Variants in RPTOR observed in about 807,000 individuals in gnomAD.
The protein encoded by RPTOR is regulatory associated protein of MTOR complex 1, also known as regulatory-associated protein of mTOR.
A neutral mutation model predicts 169.9 loss-of-function variants in RPTOR; 21 were observed. The observed-to-expected ratio is 0.12, with a 90% confidence interval of 0.09 to 0.18. The LOEUF (loss-of-function observed/expected upper bound fraction) is 0.18, where lower values mean the gene tolerates loss of function less well. Among genes scored for constraint, RPTOR ranks in the 10% least tolerant of loss-of-function variants. RPTOR has a pLI of 1.00. For missense variants in RPTOR, 1,133 were observed against 1,855.9 expected (o/e 0.61, Z 7.16); for synonymous variants, 732 against 753.2 (o/e 0.97, Z 0.46).
At chr17:80,594,294 A>G (rs1335957968) in intron 1 of RPTOR, among the ~76,000 whole-genome samples, 1 of 152,110 alleles carries the variant, frequency 6.6e-6, no homozygotes, top group Non-Finnish European at 1.5e-5. Flanking sequence ...GGGTTTCACC[A>G]TGTTGGCCAG....
chr17:80,858,061 C>T (rs1162544367), intron 13 of RPTOR, 161 bp downstream of exon 13: 1 of 637,724 alleles, frequency 1.6e-6, no homozygotes, highest in Non-Finnish European at 2.8e-6. Context: ...ACGCGCCCGC[C>T]TCGGCAGCCA....
intron 7 of RPTOR, among the ~76,000 whole-genome samples, chr17:80,807,391 C>T (rs7214559): frequency 0.011 from 1,691 of 152,248 alleles, 27 homozygotes; most frequent in African/African-American, 0.033. Context: ...CTCTTGTGGC[C>T]TAGGCTGGAG....
intron 3 of RPTOR, among the ~76,000 whole-genome samples, chr17:80,696,439 C>T (rs188524185): frequency 5.3e-5 from 8 of 152,302 alleles, no homozygotes; most frequent in South Asian, 2.1e-4. Flanking sequence ...TAGTGGAGCT[C>T]GGCTTTCGTT....
intron 27 of RPTOR, 25 bp from the exon 28 acceptor site, chr17:80,949,418 C>T (rs1044039217): frequency 1.3e-6 from 2 of 1,593,690 alleles, no homozygotes; most frequent in African/African-American, 1.3e-5. Context: ...GCCTGGTTCA[C>T]ATCCTTTCCT....
intron 1 of RPTOR, among the ~76,000 whole-genome samples, chr17:80,568,633 C>T (rs533296993): frequency 6.6e-6 from 1 of 152,262 alleles, no homozygotes; most frequent in East Asian, 1.9e-4. Context: ...GGAAAATGTA[C>T]TGCCATTATT....
chr17:80,676,834 C>G lies in RPTOR; in HGVS notation c.349-31007C>G, dbSNP rs1053223773. On this transcript the variant is annotated intron_variant, in intron 3 of 33. Coordinates refer to ENST00000306801, the MANE Select transcript of RPTOR (RefSeq NM_020761.3). ...AGAGTCAGGGAGGTGCAGGGCTCAT[C>G]GCTAGCCAGGGCACAGCGGGACCAG... Among the ~76,000 whole-genome samples the G allele has an allele frequency of 2.0e-5, 3 of 152,188 alleles. No individual in the cohort carries two copies. In the East Asian group the frequency reaches 5.8e-4, roughly 29 times the overall value.
chr17:80,744,410 C>T (rs920043894), intron 5 of RPTOR, among the ~76,000 whole-genome samples: 2 of 104,850 alleles, frequency 1.9e-5, no homozygotes, highest in South Asian at 2.8e-4. Flanking sequence ...TGGCTACTAG[C>T]ACAGCCCTGG....
intron 10 of RPTOR, among the ~76,000 whole-genome samples, chr17:80,842,858 T>C (rs2067686233): frequency 6.6e-6 from 1 of 152,202 alleles, no homozygotes; most frequent in South Asian, 2.1e-4. Flanking sequence ...TGGTGGTGTT[T>C]GCACTGAGGA....
chr17:80,708,937 T>A lies in RPTOR; in HGVS notation c.507+938T>A, dbSNP rs1166740196. 1.0e-6 allele frequency: 1 copy of A among 985,650 alleles called. No individual in the cohort carries two copies. The highest frequency in any genetic ancestry group is 1.7e-5 in the African/African-American group (1 of 57,198). The allele number at this position is 985,650 out of a possible 1,614,324, so 61.1% of individuals were successfully genotyped here. A position where few individuals can be genotyped will look rare whatever the true frequency, so the allele number is the denominator to read the frequency against. ...GTGTGGACACCGCCTCCTGCCATCA[T>A]AGTGAGGACTCTGACTCCGTTTCTT... On this transcript the variant is annotated intron_variant, in intron 4 of 33. Transcript: ENST00000306801. This position sits in a 1 kb window ranked among gnomAD's most constrained non-coding sequence, Gnocchi z 4.2.
At chr17:80,796,638 A>G (rs1289642940) in intron 7 of RPTOR, among the ~76,000 whole-genome samples, 1 of 152,242 alleles carries the variant, frequency 6.6e-6, no homozygotes, top group East Asian at 1.9e-4. Flanking sequence ...GGGTAGAGAC[A>G]CAGAGCCAAA....
chr17:80,834,468 C>T (rs1021449557), intron 9 of RPTOR, among the ~76,000 whole-genome samples: 1 of 152,206 alleles, frequency 6.6e-6, no homozygotes, highest in Non-Finnish European at 1.5e-5. Flanking sequence ...CCCGCAGCCT[C>T]CTGAGCCTCT....
chr17:80,663,973 G>A (rs1213043632), intron 3 of RPTOR, among the ~76,000 whole-genome samples: 3 of 152,130 alleles, frequency 2.0e-5, no homozygotes, highest in Non-Finnish European at 2.9e-5. Context: ...CATCTTCCCC[G>A]TGACAGCCGC....
At chr17:80,719,175 A>G (rs566850934) in intron 4 of RPTOR, among the ~76,000 whole-genome samples, 7 of 152,174 alleles carry the variant, frequency 4.6e-5, no homozygotes, top group Non-Finnish European at 5.9e-5. Flanking sequence ...CTAGAGCCGA[A>G]GAAGGCCAAG....
chr17:80,793,138 A>G (rs1189004516), intron 7 of RPTOR, among the ~76,000 whole-genome samples: 1 of 152,242 alleles, frequency 6.6e-6, no homozygotes. Flanking sequence ...CTTTTTGAGC[A>G]CTGATGTGCT....
At chr17:80,566,823 CAAAAAAAAAAAAAAAAAAAAA>C (rs56295360) in intron 1 of RPTOR, among the ~76,000 whole-genome samples, 1 of 83,996 alleles carries the variant, frequency 1.2e-5, no homozygotes, top group Non-Finnish European at 2.2e-5. Flanking sequence ...GACTCCGTCT[CAAAAAAAAAAAAAAAAAAAAA>C]AAAAAAAAGA....
intron 24 of RPTOR, among the ~76,000 whole-genome samples, chr17:80,937,552 G>A (rs532571661): frequency 1.7e-4 from 26 of 152,316 alleles, no homozygotes; most frequent in Admixed American, 1.5e-3. Context: ...CTGTCTGAGT[G>A]GAAGCCAAGA....
chr17:80,737,703 C>G (rs1224030582), intron 5 of RPTOR, among the ~76,000 whole-genome samples: 1 of 152,120 alleles, frequency 6.6e-6, no homozygotes, highest in African/African-American at 2.4e-5. Flanking sequence ...AGAACCCATA[C>G]TTGTGAAGGT....
chr17:80,716,578 T>C (rs2066241461), intron 4 of RPTOR, among the ~76,000 whole-genome samples: 2 of 152,336 alleles, frequency 1.3e-5, no homozygotes, highest in East Asian at 3.9e-4. Flanking sequence ...TTAAATTAAG[T>C]CCCAGCTATT....
At chr17:80,840,698 C>T (rs1304210105) in intron 10 of RPTOR, among the ~76,000 whole-genome samples, 1 of 125,106 alleles carries the variant, frequency 8.0e-6, no homozygotes. Context: ...TCACTCTCAC[C>T]ACACGGCAGC....
Sources: gnomAD v4.1 joint callset for allele counts (sites outside exome capture counted in the v4.1 genomes callset) on GRCh38, gnomAD v4.1.1 for gene constraint, Gnocchi (gnomAD v3.1) non-coding constraint, MANE v1.5 for transcripts, NCBI Gene and HGNC (gene_info 2026-07-23, HGNC 2026-07-21) for gene names.